SLC9A9: variants seen among roughly 807,000 people sequenced by gnomAD.
SLC9A9 encodes sodium/hydrogen exchanger 9.
Under a neutral mutation model 77.8 loss-of-function variants are expected in SLC9A9, and 62 were observed. The ratio of observed to expected loss-of-function variants is 0.80; its 90% CI spans 0.65 to 0.98. SLC9A9 has a LOEUF of 0.98. Ranked by LOEUF, SLC9A9 falls within the 50% of genes least tolerant of loss-of-function variation. The probability of loss-of-function intolerance (pLI) is 0.00; values close to 1 mark genes in which losing one functional copy is unlikely to be tolerated. For missense variants in SLC9A9, 775 were observed against 774.9 expected, an observed-to-expected ratio of 1.00 and a Z score of 0.00; for synonymous variants, 320 against 283.5, an observed-to-expected ratio of 1.13 and a Z score of -1.29.
At chr3:143,541,143 G>A (rs1214552732) in intron 9 of SLC9A9, among the ~76,000 whole-genome samples, 1 of 152,140 alleles carries the variant, frequency 6.6e-6, no homozygotes, top group Non-Finnish European at 1.5e-5. Context: ...TTACGGAATC[G>A]ATTCTAACAA....
intron 5 of SLC9A9, chr3:143,655,732 G>T: frequency 1.3e-6 from 1 of 760,580 alleles, no homozygotes; most frequent in Non-Finnish European, 1.6e-6. Context: ...CTACCTCTAG[G>T]TAAGCATAAT....
chr3:143,398,758 T>C (rs1002492659), intron 12 of SLC9A9, among the ~76,000 whole-genome samples: 1 of 152,142 alleles, frequency 6.6e-6, no homozygotes, highest in Non-Finnish European at 1.5e-5. Context: ...CAAAGAAGAT[T>C]GTTTCACCAA....
intron 2 of SLC9A9, among the ~76,000 whole-genome samples, chr3:143,805,167 C>T (rs1398774229): frequency 6.6e-6 from 1 of 152,104 alleles, no homozygotes; most frequent in African/African-American, 2.4e-5. Flanking sequence ...TATTTTTCTC[C>T]TTTATTTGGA....
chr3:143,758,024 T>C (rs190019033), intron 4 of SLC9A9, among the ~76,000 whole-genome samples: 59 of 152,288 alleles, frequency 3.9e-4, no homozygotes, highest in African/African-American at 1.4e-3. Context: ...TCTTTCATCC[T>C]CTTCTATCAG....
At chr3:143,476,526 T>C (rs2035480131) in intron 11 of SLC9A9, among the ~76,000 whole-genome samples, 1 of 152,234 alleles carries the variant, frequency 6.6e-6, no homozygotes, top group Non-Finnish European at 1.5e-5. Context: ...AGTTTGTTTT[T>C]ACGTGGGTAA....
intron 14 of SLC9A9, among the ~76,000 whole-genome samples, chr3:143,349,869 G>T (rs1185327129): frequency 6.6e-6 from 1 of 152,172 alleles, no homozygotes; most frequent in Non-Finnish European, 1.5e-5. Context: ...GATATTAATT[G>T]TAGAGCATCC....
At chr3:143,479,584 C>T (rs2035539810) in intron 11 of SLC9A9, among the ~76,000 whole-genome samples, 1 of 152,070 alleles carries the variant, frequency 6.6e-6, no homozygotes, top group Admixed American at 6.6e-5. Context: ...TGTATTGATG[C>T]CAGGAGTAAG....
chr3:143,646,859 T>C lies in SLC9A9; in HGVS notation c.755+5396A>G, dbSNP rs558848883. Among the ~76,000 whole-genome samples, 4 of 152,322 alleles carry C rather than the reference T, an allele frequency of 2.6e-5. 1 individual carries two copies. The highest frequency in any genetic ancestry group is 9.6e-5 in the African/African-American group (4 of 41,586). On this transcript the variant is annotated intron_variant, in intron 6 of 15. Transcript: ENST00000316549. Reference sequence around the variant, plus strand: ...CTTACTCCAAGTATGATTATTCTTTTTTGAGTCCTGAAGATTTAAATATTT... The same window carrying C: ...CTTACTCCAAGTATGATTATTCTTTCTTGAGTCCTGAAGATTTAAATATTT...
intron 9 of SLC9A9, among the ~76,000 whole-genome samples, chr3:143,511,287 C>A (rs544872195): frequency 6.6e-6 from 1 of 152,294 alleles, no homozygotes; most frequent in Admixed American, 6.5e-5. Context: ...CTATGGCCAT[C>A]CTTTCCCTTG....
At chr3:143,334,980 C>A (rs775757369) in intron 14 of SLC9A9, among the ~76,000 whole-genome samples, 1 of 151,752 alleles carries the variant, frequency 6.6e-6, no homozygotes, top group Admixed American at 6.6e-5. Flanking sequence ...AAAAATAGCA[C>A]CCATATTGGA....
At chr3:143,502,188 A>T (rs2035934021) in intron 9 of SLC9A9, among the ~76,000 whole-genome samples, 1 of 151,010 alleles carries the variant, frequency 6.6e-6, no homozygotes, top group African/African-American at 2.5e-5. Context: ...TTTTGTTTCC[A>T]TTACTTCACA....
intron 4 of SLC9A9, among the ~76,000 whole-genome samples, chr3:143,724,880 G>A (rs1321597678): frequency 2.6e-5 from 4 of 152,036 alleles, no homozygotes; most frequent in Non-Finnish European, 5.9e-5. Flanking sequence ...AAGGTAGGAT[G>A]CCAGGAGAGC....
chr3:143,545,884 C>T (rs1343592643), intron 9 of SLC9A9, among the ~76,000 whole-genome samples: 1 of 152,230 alleles, frequency 6.6e-6, no homozygotes, highest in East Asian at 1.9e-4. Flanking sequence ...AGTCTTTAAT[C>T]AAGTGATCCC....
intron 4 of SLC9A9, among the ~76,000 whole-genome samples, chr3:143,772,960 A>G (rs774232296): frequency 7.2e-5 from 11 of 152,236 alleles, no homozygotes; most frequent in Non-Finnish European, 1.3e-4. Flanking sequence ...GAAATAACCA[A>G]AATCAGAGCT....
intron 6 of SLC9A9, among the ~76,000 whole-genome samples, chr3:143,642,241 C>T (rs2038637309): frequency 6.6e-6 from 1 of 152,196 alleles, no homozygotes; most frequent in South Asian, 2.1e-4. Context: ...CTATTGCCAT[C>T]CAAATTGTAA....
intron 8 of SLC9A9, among the ~76,000 whole-genome samples, chr3:143,564,098 A>G (rs541116053): frequency 1.3e-5 from 2 of 152,360 alleles, no homozygotes; most frequent in East Asian, 1.9e-4. Flanking sequence ...AGAGAACACA[A>G]GGAGATTAAT....
chr3:143,785,938 G>A lies in SLC9A9; in HGVS notation c.533+9063C>T, dbSNP rs1446862273. Among the ~76,000 whole-genome samples, 3 of 141,812 alleles carry A rather than the reference G, an allele frequency of 2.1e-5. No homozygotes were observed. The East Asian group carries it at 6.3e-4, about 30-fold the overall frequency. 93.0% of individuals were successfully genotyped at this position (141,812 alleles called of 152,430 possible). ...GTGGCGCGATCTCGACTCACTGCAA[G>A]CTCCGCCTCCCGGGTTCACGCCATT... On this transcript the variant is annotated intron_variant, in intron 4 of 15. Transcript: ENST00000316549.
At chr3:143,614,777 A>G (rs2038077062) in intron 6 of SLC9A9, among the ~76,000 whole-genome samples, 1 of 151,936 alleles carries the variant, frequency 6.6e-6, no homozygotes, top group East Asian at 1.9e-4. Context: ...CAGGTGGAGT[A>G]CTCGGTGTTT....
rs1162116465 is a variant in SLC9A9, at chr3:143,515,112, G to A, written c.1090-19664C>T. Among the ~76,000 whole-genome samples, 5 of 152,104 alleles carry A rather than the reference G, an allele frequency of 3.3e-5. No homozygotes were observed. The East Asian group carries it at 9.6e-4, about 29-fold the overall frequency. ...GTTAGCCTAATTTCAGTGTTTTTGT[G>A]AATAGGGAGGCCAGAGAGGAGCAAG... On this transcript the variant is annotated intron_variant, in intron 9 of 15. Transcript: ENST00000316549.
Sources: allele counts gnomAD v4.1 joint callset (sites outside exome capture counted in the v4.1 genomes callset), GRCh38; gene constraint gnomAD v4.1.1; transcripts MANE v1.5; gene names NCBI Gene and HGNC (gene_info 2026-07-23, HGNC 2026-07-21).